DCST1: variants seen among roughly 807,000 people sequenced by gnomAD.
The protein encoded by DCST1 is E3 ubiquitin-protein ligase DCST1.
In DCST1, 78 loss-of-function variants were observed where a neutral mutation model predicts 89.1. That is an observed-to-expected ratio of 0.88 (90% confidence interval 0.73 to 1.06). The LOEUF (loss-of-function observed/expected upper bound fraction) is 1.06. DCST1 is among the 50% of genes least tolerant of loss of function. The pLI is 0.00. For missense variants in DCST1, 900 were observed against 928.6 expected (o/e 0.97, Z 0.40); for synonymous variants, 364 against 371.9 (o/e 0.98, Z 0.24).
At position 155,046,226 on chromosome 1, in the gene DCST1, G is replaced by A. The variant is rs1253509582; in HGVS notation, c.1368+6G>A. 6.2e-7 allele frequency: 1 copy of A among 1,614,220 alleles called. No homozygotes were observed. Among genetic ancestry groups the A allele is most frequent in the Non-Finnish European group, 8.5e-7 (1 of 1,180,042 alleles). ...CCTCAGAAATGAGCAATGTGGTGAG[G>A]ACAGCATGGGGAGCGGACTCCTGGG... On this transcript the variant is annotated splice_donor_region_variant and intron_variant, in intron 12 of 16. Transcript: ENST00000295542.
At chr1:155,049,576 G>C (rs1417130593) in intron 16 of DCST1, among the ~76,000 whole-genome samples, 1 of 152,136 alleles carries the variant, frequency 6.6e-6, no homozygotes, top group Admixed American at 6.5e-5. Flanking sequence ...TACCACGCCC[G>C]GCTAATTTAG....
intron 9 of DCST1, 43 bp downstream of exon 9, chr1:155,042,899 T>C (rs1571564009): frequency 6.3e-7 from 1 of 1,590,802 alleles, no homozygotes; most frequent in Admixed American, 1.8e-5. Context: ...AGATAGGGAG[T>C]GGGAGGAGGG....
rs149965002 is a variant in DCST1, at chr1:155,050,588, G to C, written c.1870-29G>C. Reference sequence around the variant, plus strand: ...CCCCTTCTTTCCCGCCTCGCTCCCGGGCTGGCGCTAACGCCCACCTCCCAA... The same window carrying C: ...CCCCTTCTTTCCCGCCTCGCTCCCGCGCTGGCGCTAACGCCCACCTCCCAA... On this transcript the variant is annotated intron_variant, in intron 16 of 16. Transcript: ENST00000295542. The C allele has an allele frequency of 1.1e-3, 1,635 of 1,550,012 alleles. 10 individuals carry two copies. In the African/African-American group the frequency reaches 0.02, roughly 19 times the overall value.
chr1:155,037,683 C>G (rs1488900475), intron 4 of DCST1, among the ~76,000 whole-genome samples: 1 of 152,062 alleles, frequency 6.6e-6, no homozygotes, highest in African/African-American at 2.4e-5. Flanking sequence ...GTGATCCACC[C>G]GCCTTGGCCT....
At position 155,045,709 on chromosome 1, in the gene DCST1, T is replaced by C. The variant is rs992392637; in HGVS notation, c.1173-184T>C. 248 of 608,376 alleles carry C rather than the reference T, an allele frequency of 4.1e-4. 1 individual carries two copies. Among genetic ancestry groups the C allele is most frequent in the Non-Finnish European group, 4.5e-4 (151 of 338,466 alleles). 37.7% of individuals were successfully genotyped at this position (608,376 alleles called of 1,614,324 possible). A position where few individuals can be genotyped will look rare whatever the true frequency, so the allele number is the denominator to read the frequency against. On this transcript the variant is annotated intron_variant, in intron 10 of 16. Transcript: ENST00000295542. ...TAGGGGGATGTCTTCCTCTACACAA[T>C]TGGAAGGCAGGGACAGAGTCTTCTC...
intron 9 of DCST1, 104 bp downstream of exon 9, chr1:155,042,960 G>C: frequency 2.7e-6 from 4 of 1,489,218 alleles, no homozygotes; most frequent in Non-Finnish European, 3.6e-6. Context: ...ACAGGAAAGA[G>C]GTGACCAGGG....
intron 5 of DCST1, among the ~76,000 whole-genome samples, chr1:155,039,769 T>G (rs140369300): frequency 5.4e-5 from 8 of 147,590 alleles, no homozygotes; most frequent in African/African-American, 1.8e-4. Context: ...GAGGCTGAGG[T>G]GGGTGGATCA....
chr1:155,043,188 T>C (rs991668877), intron 9 of DCST1, among the ~76,000 whole-genome samples, 164 bp from the exon 10 acceptor site: 2 of 152,064 alleles, frequency 1.3e-5, no homozygotes, highest in African/African-American at 2.4e-5. Context: ...GGAGCAAGAC[T>C]GTGTCCAGGA....
chr1:155,043,363 G>C lies in DCST1; in HGVS notation c.1026G>C (p.Gln342His), dbSNP rs1235907123. 6.2e-7 allele frequency: 1 copy of C among 1,614,112 alleles called. No individual in the cohort carries two copies. The highest frequency in any genetic ancestry group is 1.1e-5 in the South Asian group (1 of 91,082). ...GTGCCCTCCACCAGGAAGAGAAGCA[G>C]GCTGGGGTGCTGGGGCTCAACACAA... is the stretch of plus-strand genomic sequence containing the variant. ...SANIDFKEEK[Q>H]AGVLGLNTSW... Residue 342 changes from glutamine (Q) to histidine (H), a missense_variant, in exon 10 of 17, where the codon CAG (glutamine) becomes CAC (histidine). Physicochemically the swap from Gln to His is conservative, Grantham distance 24. Transcript: ENST00000295542.
chr1:155,041,274 A>G (rs528211301), intron 6 of DCST1, 123 bp from the exon 7 acceptor site: 1 of 971,386 alleles, frequency 1.0e-6, no homozygotes, highest in East Asian at 2.6e-5. Flanking sequence ...CTCAGGGCCT[A>G]GGCTCCCTGT....
intron 4 of DCST1, 187 bp downstream of exon 4, chr1:155,034,914 G>A (rs1275569020): frequency 1.3e-5 from 8 of 633,692 alleles, no homozygotes; most frequent in South Asian, 3.8e-5. Context: ...GGAAGACACC[G>A]TCCTTGCCCT....
At position 155,043,519 on chromosome 1, in the gene DCST1, A is replaced by G; in HGVS notation, c.1172+10A>G. On this transcript the variant is annotated intron_variant, in intron 10 of 16. Coordinates refer to ENST00000295542, the MANE Select transcript of DCST1 (RefSeq NM_152494.4). Reference sequence around the variant, plus strand: ...TGCTGGTCCTGCATGCGTGAGCCATAGTCCCCACCCCAGCAGCCCCTCCTC... The same window carrying G: ...TGCTGGTCCTGCATGCGTGAGCCATGGTCCCCACCCCAGCAGCCCCTCCTC... The G allele has an allele frequency of 2.6e-6, 4 of 1,566,268 alleles. No individual in the cohort carries two copies. Among genetic ancestry groups the G allele is most frequent in the Non-Finnish European group, 3.5e-6 (4 of 1,154,526 alleles).
intron 5 of DCST1, 112 bp downstream of exon 5, chr1:155,039,643 C>CT: frequency 7.3e-7 from 1 of 1,370,230 alleles, no homozygotes; most frequent in Non-Finnish European, 9.6e-7. Context: ...CCCAGCTGCT[C>CT]TAACTCACTG....
chr1:155,042,650 GAGGACTAC>G, intron 8 of DCST1, 77 bp from the exon 9 acceptor site: 2 of 1,582,448 alleles, frequency 1.3e-6, no homozygotes, highest in Non-Finnish European at 1.7e-6. Flanking sequence ...GCAGGATGAG[GAGGACTAC>G]AGGAGGACAG....
intron 4 of DCST1, among the ~76,000 whole-genome samples, chr1:155,038,260 A>C (rs1288126796): frequency 1.3e-5 from 2 of 152,252 alleles, no homozygotes; most frequent in Non-Finnish European, 2.9e-5. Flanking sequence ...GCTGCATAGC[A>C]TGAGATCAGG....
intron 5 of DCST1, 85 bp from the exon 6 acceptor site, chr1:155,040,400 G>C: frequency 1.4e-6 from 2 of 1,460,856 alleles, no homozygotes; most frequent in Non-Finnish European, 9.2e-7. Context: ...CTAGGCGATG[G>C]GCACTATTTG....
In DCST1 at chr1:155,046,121, C is replaced by A; in HGVS notation, c.1273-4C>A. On this transcript the variant is annotated splice_polypyrimidine_tract_variant and splice_region_variant and intron_variant, in intron 11 of 16. Transcript: ENST00000295542. Reference sequence around the variant, plus strand: ...TCCTAACTGTGTGGACATTTGTTTTCCAGGGCAAACGGACTCTGCTGCCAC... The same window carrying A: ...TCCTAACTGTGTGGACATTTGTTTTACAGGGCAAACGGACTCTGCTGCCAC... The A allele has an allele frequency of 6.2e-7, 1 of 1,614,168 alleles. No homozygotes were observed.
intron 4 of DCST1, among the ~76,000 whole-genome samples, chr1:155,037,487 A>T (rs1571559180): frequency 7.7e-6 from 1 of 129,370 alleles, no homozygotes. Context: ...TCTGTCCCCC[A>T]GGCTGGAATG....
intron 16 of DCST1, chr1:155,049,182 A>C (rs1430158755): frequency 7.6e-6 from 5 of 661,000 alleles, no homozygotes; most frequent in Non-Finnish European, 1.1e-5. Flanking sequence ...CACATGACTT[A>C]ACTGCTGTGC....
Sources: allele counts gnomAD v4.1 joint callset (sites outside exome capture counted in the v4.1 genomes callset), GRCh38; gene constraint gnomAD v4.1.1; transcripts MANE v1.5; gene names NCBI Gene and HGNC (gene_info 2026-07-23, HGNC 2026-07-21).